The following YTHDC2 variants were observed in gnomAD, a reference collection of about 807,000 sequenced individuals.
YTHDC2 encodes the protein YTH N6-methyladenosine RNA binding protein C2, also known as 3'-5' RNA helicase YTHDC2.
Under a neutral mutation model 174.9 loss-of-function variants are expected in YTHDC2, and 45 were observed. That is an observed-to-expected ratio of 0.26 (90% CI 0.20 to 0.33). YTHDC2 has a LOEUF of 0.33. Ranked by LOEUF, YTHDC2 falls within the 10% of genes least tolerant of loss-of-function variation. The probability of loss-of-function intolerance (pLI) is 1.00; values close to 1 mark genes in which losing one functional copy is unlikely to be tolerated. For missense variants in YTHDC2, 1,650 were observed against 1,723.7 expected, an observed-to-expected ratio of 0.96 and a Z score of 0.76; for synonymous variants, 657 against 574.5, an observed-to-expected ratio of 1.14 and a Z score of -2.05.
intron 7 of YTHDC2, among the ~76,000 whole-genome samples, chr5:113,538,711 A>G (rs1580522276): frequency 1.3e-5 from 2 of 152,038 alleles, no homozygotes; most frequent in South Asian, 2.1e-4. Flanking sequence ...ACAACTCTAT[A>G]TTTACCTTCA....
intron 24 of YTHDC2, chr5:113,581,162 A>G (rs1404489536): frequency 6.2e-6 from 2 of 320,640 alleles, no homozygotes; most frequent in Non-Finnish European, 1.1e-5. Flanking sequence ...TCCAGTATTA[A>G]TCACACTCTG....
intron 4 of YTHDC2, among the ~76,000 whole-genome samples, chr5:113,527,970 T>C (rs1459880691): frequency 6.6e-6 from 1 of 152,112 alleles, no homozygotes; most frequent in African/African-American, 2.4e-5. Flanking sequence ...ATGAGTGCTT[T>C]TATGATTAAG....
intron 4 of YTHDC2, among the ~76,000 whole-genome samples, chr5:113,531,650 C>A (rs925241922): frequency 6.6e-6 from 1 of 151,914 alleles, no homozygotes. Context: ...TTTACAATTT[C>A]TCTCATCATC....
In YTHDC2 at chr5:113,531,546, G is replaced by C. The variant is rs565939822; in HGVS notation, c.676-1333G>C. Reference sequence around the variant, plus strand: ...TTTAGATAAACTCCTCTGTGTCTACGAGCTCAGCTTTTAAGAGAATTCAGC... The same window carrying C: ...TTTAGATAAACTCCTCTGTGTCTACCAGCTCAGCTTTTAAGAGAATTCAGC... On this transcript the variant is annotated intron_variant, in intron 4 of 29. Transcript: ENST00000161863. Among the ~76,000 whole-genome samples, 7 of 152,024 alleles carry C rather than the reference G, an allele frequency of 4.6e-5. No individual in the cohort carries two copies. In the South Asian group the frequency reaches 8.3e-4, roughly 18 times the overall value.
At chr5:113,560,081 C>T (rs1776858140) in intron 17 of YTHDC2, among the ~76,000 whole-genome samples, 1 of 152,238 alleles carries the variant, frequency 6.6e-6, no homozygotes, top group African/African-American at 2.4e-5. Flanking sequence ...CACAGCAATG[C>T]TCCTGCTCAT....
intron 26 of YTHDC2, among the ~76,000 whole-genome samples, chr5:113,589,383 T>A (rs1361444029): frequency 2.1e-5 from 2 of 94,812 alleles, no homozygotes; most frequent in African/African-American, 8.1e-5. Flanking sequence ...GAAGTTCAAG[T>A]CTTTTAAAAA....
intron 27 of YTHDC2, 23 bp from the exon 28 acceptor site, chr5:113,591,973 C>G: frequency 1.3e-6 from 2 of 1,571,502 alleles, no homozygotes; most frequent in South Asian, 2.4e-5. Context: ...CACCTCTATT[C>G]CTTCCTCCCA....
At chr5:113,530,699 A>C (rs1169850333) in intron 4 of YTHDC2, among the ~76,000 whole-genome samples, 1 of 152,192 alleles carries the variant, frequency 6.6e-6, no homozygotes, top group Admixed American at 6.5e-5. Flanking sequence ...GTTATGTGTT[A>C]GATCAATTAA....
chr5:113,570,864 G>A (rs1191319090), intron 23 of YTHDC2, among the ~76,000 whole-genome samples: 1 of 152,072 alleles, frequency 6.6e-6, no homozygotes, highest in African/African-American at 2.4e-5. Flanking sequence ...ATGTTGGCCA[G>A]GCAGGTCTCA....
At position 113,567,660 on chromosome 5, in the gene YTHDC2, C is replaced by G. The variant is rs1258245481; in HGVS notation, c.3055C>G (p.Pro1019Ala). The change falls in exon 23 of 30, where the codon CCA becomes GCA. Residue 1019 changes from proline to alanine, a missense_variant. Coordinates refer to ENST00000161863, the MANE Select transcript of YTHDC2 (RefSeq NM_022828.5). ...LSQPQYKKIP[P>A]ANGQAAAIKA... The stretch of plus-strand genomic sequence containing the variant: ...AAATTTATTTTCTTAATAGATTCCT[C>G]CAGCCAATGGTCAAGCTGCAGCAAT... 6.3e-7 allele frequency: 1 copy of G among 1,593,372 alleles called. No individual in the cohort carries two copies. The highest frequency in any genetic ancestry group is 8.5e-7 in the Non-Finnish European group (1 of 1,173,312).
rs1561664069 is a variant in YTHDC2 at position 113,553,262 on chromosome 5, G to A, written c.1770G>A (p.Glu590=). The change falls in exon 13 of 30, where the codon GAG becomes GAA. Residue 590 remains glutamate (E), a synonymous_variant. Transcript: ENST00000161863. ...NGSDLSAEDR[E]LLKAYHHSFD... The stretch of plus-strand genomic sequence containing the variant: ...GTGACCTCAGTGCTGAAGACAGAGA[G>A]CTCCTGAAAGCTTATCATCATAGTT... The A allele has an allele frequency of 6.2e-7, 1 of 1,607,826 alleles. No homozygotes were observed. The highest frequency in any genetic ancestry group is 8.5e-7 in the Non-Finnish European group (1 of 1,177,614).
chr5:113,548,537 T>A lies in YTHDC2; in HGVS notation c.1496-4T>A, dbSNP rs948411490. On this transcript the variant is annotated splice_region_variant and splice_polypyrimidine_tract_variant and intron_variant, in intron 10 of 29. Transcript: ENST00000161863. Reference sequence around the variant, plus strand: ...AAGTTTTATTTATCTTTTCCTTTTTTTAGTTGATTACAGACATAGTGAAAC... The same window carrying A: ...AAGTTTTATTTATCTTTTCCTTTTTATAGTTGATTACAGACATAGTGAAAC... The A allele has an allele frequency of 1.9e-6, 3 of 1,576,404 alleles. No individual in the cohort carries two copies. The African/African-American group carries it at 4.1e-5, about 22-fold the overall frequency.
At chr5:113,524,943 C>G in intron 2 of YTHDC2, 38 bp from the exon 3 acceptor site, 1 of 1,458,556 alleles carries the variant, frequency 6.9e-7, no homozygotes, top group East Asian at 2.6e-5. Flanking sequence ...AACAAGTTGA[C>G]TTTATATAGT....
Position 113,592,137 on chromosome 5 carries a change from T to C in YTHDC2, c.4171T>C (p.Trp1391Arg). 1.2e-6 allele frequency: 2 copies of C among 1,612,876 alleles called. No homozygotes were observed. Among genetic ancestry groups the C allele is most frequent in the Non-Finnish European group, 1.7e-6 (2 of 1,179,422 alleles). ...FQFAHHLLNP[W>R]NDNKKVQISR... is the part of the protein sequence containing the mutation. ...ATTTGCACACCATTTACTCAATCCA[T>C]GGAATGACAACAAGAAAGTGCAGAT... The change falls in exon 28 of 30, where the codon TGG becomes CGG. Residue 1391 changes from tryptophan (W) to arginine (R), a missense_variant. By Grantham distance (101) the Trp-to-Arg change is moderately radical. This residue lies in a region of YTHDC2 where 913 missense variants were observed against 940.4 expected (regional missense o/e 0.97). Coordinates refer to ENST00000161863, the MANE Select transcript of YTHDC2 (RefSeq NM_022828.5).
chr5:113,538,021 G>C (rs1241776119), intron 7 of YTHDC2, among the ~76,000 whole-genome samples: 2 of 152,018 alleles, frequency 1.3e-5, no homozygotes, highest in Non-Finnish European at 2.9e-5. Context: ...AGGTTTCTTT[G>C]TTACCTCAGA....
rs577045534 is a variant in YTHDC2 at position 113,549,448 on chromosome 5, A to G, written c.1688+428A>G. ...CAGAACTAAGAAAACTCACAGTGCC[A>G]ATGAGAAACACTCATTTTAGCTTTG... On this transcript the variant is annotated intron_variant, in intron 12 of 29. Transcript: ENST00000161863. 5.9e-5 allele frequency among the ~76,000 whole-genome samples: 9 copies of G among 152,298 alleles called. No homozygotes were observed. The South Asian group carries it at 1.9e-3, about 32-fold the overall frequency.
In YTHDC2 at chr5:113,525,166, C is replaced by T. The variant is rs1489617666; in HGVS notation, c.464C>T (p.Ala155Val). The change falls in exon 3 of 30, where the codon GCA becomes GTA. Residue 155 changes from alanine (A) to valine (V), a missense_variant. By Grantham distance (64) the Ala-to-Val change is moderately conservative. Coordinates refer to ENST00000161863, the MANE Select transcript of YTHDC2 (RefSeq NM_022828.5). ...LPKTERGNVF[A>V]VEAENREMSK... The stretch of plus-strand genomic sequence containing the variant: ...AAAACAGAAAGAGGAAATGTGTTTG[C>T]AGTTGAAGCTGGTATGTATTTTCTG... 6.3e-7 allele frequency: 1 copy of T among 1,595,576 alleles called. No individual in the cohort carries two copies. The highest frequency in any genetic ancestry group is 1.4e-5 in the African/African-American group (1 of 73,890).
At position 113,584,392 on chromosome 5, in the gene YTHDC2, C is replaced by T; in HGVS notation, c.3738C>T (p.Asp1246=). ...GILHPKRGTE[D]RSDQSSLKST... ...TACATCCTAAACGAGGTACTGAGGA[C>T]CGATCAGATCAGTCTTCTCTGAAAT... Residue 1246 remains aspartate (D), a synonymous_variant, in exon 26 of 30, where the codon GAC becomes GAT. Transcript: ENST00000161863. The T allele has an allele frequency of 6.2e-7, 1 of 1,613,902 alleles. No individual in the cohort carries two copies. The highest frequency in any genetic ancestry group is 8.5e-7 in the Non-Finnish European group (1 of 1,179,866).
intron 12 of YTHDC2, among the ~76,000 whole-genome samples, chr5:113,552,602 A>G (rs1403798407): frequency 1.3e-5 from 2 of 152,146 alleles, no homozygotes; most frequent in South Asian, 2.1e-4. Context: ...CTGACTATGA[A>G]TAATACTGGT....
Sources: allele counts gnomAD v4.1 joint callset (sites outside exome capture counted in the v4.1 genomes callset), GRCh38; gene constraint gnomAD v4.1.1; regional missense constraint gnomAD v4.1.1; transcripts MANE v1.5; gene names NCBI Gene and HGNC (gene_info 2026-07-23, HGNC 2026-07-21).